Variants in ACSF2 observed in about 807,000 individuals in gnomAD.
The protein encoded by ACSF2 is medium-chain acyl-CoA ligase ACSF2, mitochondrial.
A neutral mutation model predicts 79.3 loss-of-function variants in ACSF2; 52 were observed. That is an observed-to-expected ratio of 0.66 (90% CI 0.53 to 0.83). ACSF2 has a LOEUF of 0.83. Among genes scored for constraint, ACSF2 ranks in the 40% least tolerant of loss-of-function variants. ACSF2 has a pLI of 0.00. For synonymous variants in ACSF2, 283 were observed against 312.6 expected (o/e 0.91, Z 1.00); for missense variants, 661 against 803.3 (o/e 0.82, Z 2.14).
intron 1 of ACSF2, among the ~76,000 whole-genome samples, chr17:50,427,475 A>G (rs1032217133): frequency 2.6e-5 from 4 of 152,006 alleles, no homozygotes; most frequent in African/African-American, 9.7e-5. Context: ...TGAGATGAGG[A>G]CAGTGGGGTC....
At chr17:50,436,161 G>A (rs1358742611) in intron 1 of ACSF2, among the ~76,000 whole-genome samples, 1 of 151,052 alleles carries the variant, frequency 6.6e-6, no homozygotes, top group South Asian at 2.1e-4. Flanking sequence ...ACGGAGTCTC[G>A]CTCTGTTGCC....
intron 1 of ACSF2, among the ~76,000 whole-genome samples, chr17:50,458,470 G>A (rs188536791): frequency 2.9e-4 from 44 of 152,280 alleles, no homozygotes; most frequent in Admixed American, 4.6e-4. Flanking sequence ...TCAGCTGTCA[G>A]CTTAGGCATA....
Position 50,463,706 on chromosome 17 carries a change from C to A in ACSF2, c.1047-112C>A. On this transcript the variant is annotated intron_variant, in intron 8 of 15. Coordinates refer to ENST00000300441, the MANE Select transcript of ACSF2 (RefSeq NM_025149.6). This position sits in a 1 kb window ranked among gnomAD's most constrained non-coding sequence, Gnocchi z 4.6. ...CCCCCAGGAGAGGACCAGTTCCTGC[C>A]TCAGGAGCTTCTCCTGCCTATTCCC... 1.4e-6 allele frequency: 2 copies of A among 1,469,180 alleles called. No individual in the cohort carries two copies. Among genetic ancestry groups the A allele is most frequent in the Non-Finnish European group, 9.4e-7 (1 of 1,063,748 alleles). The allele number at this position is 1,469,180 out of a possible 1,614,324, so 91.0% of individuals were successfully genotyped here.
intron 10 of ACSF2, chr17:50,468,778 G>A (rs369046930): frequency 5.4e-5 from 85 of 1,573,614 alleles, no homozygotes; most frequent in Non-Finnish European, 6.7e-5. Context: ...GACCAGCCAG[G>A]AGGCCGAGGC....
At chr17:50,441,933 G>A (rs910058218) in intron 1 of ACSF2, among the ~76,000 whole-genome samples, 3 of 152,032 alleles carry the variant, frequency 2.0e-5, no homozygotes, top group African/African-American at 7.2e-5. Context: ...TCGCCCTTGT[G>A]GGCTCAAGCA....
intron 1 of ACSF2, among the ~76,000 whole-genome samples, chr17:50,439,372 G>A (rs1449117294): frequency 6.6e-6 from 1 of 151,362 alleles, no homozygotes; most frequent in Non-Finnish European, 1.5e-5. Flanking sequence ...ACCGTGTCCA[G>A]CATTATTATG....
Position 50,461,246 on chromosome 17 carries a change from A to G in ACSF2, c.329A>G (p.Asp110Gly), listed in dbSNP as rs1598419577. 1 of 1,614,166 alleles carries G rather than the reference A, an allele frequency of 6.2e-7. No homozygotes were observed. The highest frequency in any genetic ancestry group is 8.5e-7 in the Non-Finnish European group (1 of 1,180,018). Reference protein sequence around the residue: ...LTFAQLKEEVDKAASGLLSIG... With the variant: ...LTFAQLKEEVGKAASGLLSIG... ...GCGCCCCATCTTTTACACTAGGTGG[A>G]CAAAGCTGCTTCTGGCCTCCTGAGC... Residue 110 changes from aspartate (D) to glycine (G), a missense_variant, in exon 3 of 16, where the codon GAC (aspartate) becomes GGC (glycine). Coordinates refer to ENST00000300441, the MANE Select transcript of ACSF2 (RefSeq NM_025149.6).
intron 10 of ACSF2, chr17:50,470,002 G>A (rs1480852577): frequency 6.6e-6 from 1 of 152,332 alleles, no homozygotes; most frequent in Non-Finnish European, 1.5e-5. Flanking sequence ...TGGCCTCAGG[G>A]TGAGCTCCAA....
In ACSF2 at chr17:50,474,588, ACTCT is replaced by A; in HGVS notation, c.*40_*43del. 1 of 1,607,612 alleles carries A rather than the reference ACTCT, an allele frequency of 6.2e-7. No homozygotes were observed. ...AGGCCTGTCCTGGCCGGTTGGCTTG[ACTCT>A]CTCCTGTCAGAATGCAACCTGGCTT... On this transcript the variant is annotated 3_prime_UTR_variant, in exon 16 of 16. Transcript: ENST00000300441. This position sits in a 1 kb window ranked among gnomAD's most constrained non-coding sequence, Gnocchi z 4.2.
intron 1 of ACSF2, among the ~76,000 whole-genome samples, chr17:50,427,857 C>T (rs1199936587): frequency 1.3e-5 from 2 of 152,172 alleles, no homozygotes; most frequent in Admixed American, 6.5e-5. Flanking sequence ...GAGCACCAAG[C>T]TTCAGAGAAA....
intron 1 of ACSF2, among the ~76,000 whole-genome samples, chr17:50,457,840 G>A (rs1212255802): frequency 1.3e-5 from 2 of 152,136 alleles, no homozygotes; most frequent in Non-Finnish European, 2.9e-5. Flanking sequence ...AGTCAAAGGC[G>A]GTTGGGGTGG....
intron 6 of ACSF2, 31 bp downstream of exon 6, chr17:50,462,616 A>G (rs2032418063): frequency 4.4e-6 from 7 of 1,603,508 alleles, no homozygotes; most frequent in South Asian, 1.1e-5. Context: ...CCCCAAGCCC[A>G]GATGGACACA....
intron 12 of ACSF2, 100 bp downstream of exon 12, chr17:50,472,679 G>A (rs902052226): frequency 5.1e-6 from 7 of 1,377,178 alleles, no homozygotes; most frequent in Non-Finnish European, 4.8e-6. Context: ...GAGGATGTGG[G>A]TATCAAGATG....
intron 1 of ACSF2, among the ~76,000 whole-genome samples, chr17:50,447,692 T>C (rs1202442390): frequency 6.6e-6 from 1 of 152,130 alleles, no homozygotes; most frequent in Non-Finnish European, 1.5e-5. Flanking sequence ...GGGAATACAC[T>C]CAATAGAGGA....
At chr17:50,465,830 T>G in intron 10 of ACSF2, 1 of 1,613,830 alleles carries the variant, frequency 6.2e-7, no homozygotes, top group Non-Finnish European at 8.5e-7. Flanking sequence ...CAAATGGACG[T>G]GTTTCAGCGT....
At chr17:50,459,786 GCCAC>G (rs2032223444) in intron 1 of ACSF2, among the ~76,000 whole-genome samples, 1 of 152,158 alleles carries the variant, frequency 6.6e-6, no homozygotes, top group African/African-American at 2.4e-5. Flanking sequence ...TGGATAGGTA[GCCAC>G]ATGTGAGAGG....
intron 1 of ACSF2, among the ~76,000 whole-genome samples, chr17:50,432,790 CA>C (rs2030046293): frequency 6.6e-6 from 1 of 152,182 alleles, no homozygotes; most frequent in Non-Finnish European, 1.5e-5. Context: ...TGGCTTTAGG[CA>C]AGTTACTGAA....
intron 1 of ACSF2, chr17:50,460,464 G>A: frequency 1.7e-6 from 1 of 588,588 alleles, no homozygotes; most frequent in Non-Finnish European, 3.0e-6. Context: ...CCAGCTTGGT[G>A]TAACCTTGTC....
chr17:50,464,154 A>G, intron 9 of ACSF2, 64 bp from the exon 10 acceptor site: 1 of 1,515,182 alleles, frequency 6.6e-7, no homozygotes, highest in Non-Finnish European at 9.2e-7. Flanking sequence ...AATGAGCTGT[A>G]GGTGAAAGGA....
Sources: allele counts gnomAD v4.1 joint callset (sites outside exome capture counted in the v4.1 genomes callset), GRCh38; gene constraint gnomAD v4.1.1; non-coding constraint Gnocchi (gnomAD v3.1); transcripts MANE v1.5; gene names NCBI Gene and HGNC (gene_info 2026-07-23, HGNC 2026-07-21).